The following PTPRT variants were observed in gnomAD, a reference collection of about 807,000 sequenced individuals.
PTPRT encodes the protein receptor-type tyrosine-protein phosphatase T.
PTPRT carries 56 observed loss-of-function variants against 176.8 expected under a neutral mutation model. The ratio of observed to expected loss-of-function variants is 0.32; its 90% CI spans 0.26 to 0.40. The LOEUF (loss-of-function observed/expected upper bound fraction) is 0.40, where lower values mean the gene tolerates loss of function less well. Among genes scored for constraint, PTPRT ranks in the 10% least tolerant of loss-of-function variants. The pLI is 1.00. For synonymous variants in PTPRT, 783 were observed against 739.0 expected (o/e 1.06, Z -0.96); for missense variants, 1,540 against 1,908.2 (o/e 0.81, Z 3.60).
intron 7 of PTPRT, among the ~76,000 whole-genome samples, chr20:42,608,195 A>G (rs2073914620): frequency 6.6e-6 from 1 of 152,178 alleles, no homozygotes; most frequent in South Asian, 2.1e-4. Flanking sequence ...TAAGTACTCA[A>G]TAGCCACAGC....
At position 42,315,938 on chromosome 20, in the gene PTPRT, T is replaced by C. The variant is rs182839541; in HGVS notation, c.1924A>G (p.Ile642Val). The C allele has an allele frequency of 1.2e-6, 2 of 1,614,148 alleles. No homozygotes were observed. The highest frequency in any genetic ancestry group is 1.7e-6 in the Non-Finnish European group (2 of 1,180,024). ...RLQKSRRAADIIECFSVPVSY... is the reference protein window; with the variant it reads ...RLQKSRRAADVIECFSVPVSY... ...ACGGGCACCGAAAAGCACTCAATAA[T>C]GTCAGCTGCCCTCCGTGACTTCTGA... is the stretch of plus-strand genomic sequence containing the variant. Residue 642 changes from isoleucine (I) to valine (V), a missense_variant, in exon 12 of 31, where the codon ATT (isoleucine) becomes GTT (valine). Ile to Val is a conservative substitution (Grantham distance 29). Coordinates refer to ENST00000373187, the MANE Select transcript of PTPRT (RefSeq NM_007050.6).
Position 42,540,874 on chromosome 20 carries a change from G to A in PTPRT, c.1154-68312C>T, listed in dbSNP as rs115724739. Among the ~76,000 whole-genome samples the A allele has an allele frequency of 7.3e-4, 111 of 152,262 alleles. 1 individual carries two copies. The Middle Eastern group carries it at 0.014, about 19-fold the overall frequency. ...CTTCATCGGGAGGATGGGGAAGGTA[G>A]GTGGAAGGGATGCCTGTATGAGTGA... On this transcript the variant is annotated intron_variant, in intron 7 of 30. Transcript: ENST00000373187.
chr20:42,390,136 C>T lies in PTPRT; in HGVS notation c.1561-37851G>A, dbSNP rs139471861. Among the ~76,000 whole-genome samples the T allele has an allele frequency of 1.1e-4, 17 of 152,258 alleles. No individual in the cohort carries two copies. The East Asian group carries it at 3.1e-3, about 28-fold the overall frequency. On this transcript the variant is annotated intron_variant, in intron 9 of 30. Coordinates refer to ENST00000373187, the MANE Select transcript of PTPRT (RefSeq NM_007050.6). ...AATTTTCTCCCAATTGTATCCTCAGCAGCTAGTATAATACTTGGCACATAT... is the reference window on the plus strand; with the variant it reads ...AATTTTCTCCCAATTGTATCCTCAGTAGCTAGTATAATACTTGGCACATAT...
At position 42,345,390 on chromosome 20, in the gene PTPRT, CACAT is replaced by C. The variant is rs776194061; in HGVS notation, c.1865+5234_1865+5237del. On this transcript the variant is annotated intron_variant, in intron 11 of 30. Coordinates refer to ENST00000373187, the MANE Select transcript of PTPRT (RefSeq NM_007050.6). The stretch of plus-strand genomic sequence containing the variant: ...ATACACACACACACACACACACACA[CACAT>C]ATATATATAAAACTAGTTACTATAG... Among the ~76,000 whole-genome samples, 24 of 133,602 alleles carry C rather than the reference CACAT, an allele frequency of 1.8e-4. 1 individual carries two copies. Among genetic ancestry groups the C allele is most frequent in the South Asian group, 4.9e-4 (2 of 4,056 alleles). 87.6% of individuals were successfully genotyped at this position (133,602 alleles called of 152,430 possible). A position where few individuals can be genotyped will look rare whatever the true frequency, so the allele number is the denominator to read the frequency against.
At chr20:42,214,162 A>T (rs577815232) in intron 15 of PTPRT, among the ~76,000 whole-genome samples, 1 of 152,266 alleles carries the variant, frequency 6.6e-6, no homozygotes, top group Admixed American at 6.5e-5. Context: ...CTAGGATTCA[A>T]ACCCTCCAGT....
chr20:42,867,425 T>G (rs1006596022), intron 2 of PTPRT, among the ~76,000 whole-genome samples: 1 of 142,464 alleles, frequency 7.0e-6, no homozygotes, highest in Non-Finnish European at 1.5e-5. Flanking sequence ...TTTACTCACT[T>G]AGAGTACACT....
intron 7 of PTPRT, among the ~76,000 whole-genome samples, chr20:42,489,008 TTGTGTGTGTGTGTGTGTGTGTGTGTGTG>T (rs56267962): frequency 3.0e-5 from 4 of 131,262 alleles, no homozygotes; most frequent in African/African-American, 8.2e-5. Flanking sequence ...TCAACCAAGT[TTGTGTGTGTGTGTGTGTGTGTGTGTGTG>T]TGTGTGTGTG....
chr20:42,771,033 C>T (rs983568845), intron 5 of PTPRT, among the ~76,000 whole-genome samples: 12 of 152,216 alleles, frequency 7.9e-5, no homozygotes, highest in African/African-American at 2.4e-4. Flanking sequence ...CACTTTCTTC[C>T]CTTATCAAGG....
At chr20:42,184,595 C>CTTCTTCTTCTTCTTCCTCTTCT (rs1990684333) in intron 16 of PTPRT, among the ~76,000 whole-genome samples, 1 of 29,428 alleles carries the variant, frequency 3.4e-5, no homozygotes, top group African/African-American at 9.1e-5. Flanking sequence ...CTTCTTCTTC[C>CTTCTTCTTCTTCTTCCTCTTCT]TCTTCTTCTT....
At position 42,760,246 on chromosome 20, in the gene PTPRT, A is replaced by G. The variant is rs575292512; in HGVS notation, c.685-3610T>C. Among the ~76,000 whole-genome samples, 52 of 152,332 alleles carry G rather than the reference A, an allele frequency of 3.4e-4. No individual in the cohort carries two copies. In the South Asian group the frequency reaches 0.011, roughly 31 times the overall value. On this transcript the variant is annotated intron_variant, in intron 5 of 30. Transcript: ENST00000373187. ...ACTTGCCTGCAAAGGGGATCTGTCC[A>G]GGACACTAAAAGCATGCATTCCACT...
chr20:42,580,790 A>T (rs554597037), intron 7 of PTPRT, among the ~76,000 whole-genome samples: 5 of 152,238 alleles, frequency 3.3e-5, no homozygotes, highest in East Asian at 3.9e-4. Context: ...CTTATCAACT[A>T]AAGGAGATTT....
At chr20:42,794,503 A>C (rs2077424851) in intron 2 of PTPRT, among the ~76,000 whole-genome samples, 1 of 152,152 alleles carries the variant, frequency 6.6e-6, no homozygotes, top group Non-Finnish European at 1.5e-5. Context: ...TCATTGGCCC[A>C]TTCTATTTTC....
intron 11 of PTPRT, among the ~76,000 whole-genome samples, chr20:42,331,332 T>A (rs1249860264): frequency 6.6e-6 from 1 of 151,918 alleles, no homozygotes; most frequent in Non-Finnish European, 1.5e-5. Flanking sequence ...TTTAAAAGAG[T>A]AATCAGTAGG....
At chr20:42,214,800 T>C (rs940920524) in intron 15 of PTPRT, among the ~76,000 whole-genome samples, 5 of 152,172 alleles carry the variant, frequency 3.3e-5, no homozygotes, top group African/African-American at 1.2e-4. Flanking sequence ...TCCCTCTGGG[T>C]ACATGGCCAT....
intron 18 of PTPRT, among the ~76,000 whole-genome samples, chr20:42,140,254 G>A (rs1178315683): frequency 1.3e-5 from 2 of 151,744 alleles, no homozygotes; most frequent in Non-Finnish European, 2.9e-5. Flanking sequence ...GATGAACTGG[G>A]TTACTCTGTG....
chr20:42,109,912 G>GT (rs1465562013), intron 23 of PTPRT, among the ~76,000 whole-genome samples: 1 of 152,200 alleles, frequency 6.6e-6, no homozygotes, highest in Non-Finnish European at 1.5e-5. Flanking sequence ...TTGTGACCAA[G>GT]TATCATCAGA....
Position 42,837,334 on chromosome 20 carries a change from G to C in PTPRT, c.215-45868C>G, listed in dbSNP as rs117903158. Among the ~76,000 whole-genome samples, 310 of 152,288 alleles carry C rather than the reference G, an allele frequency of 2.0e-3. 1 individual carries two copies. Among genetic ancestry groups the C allele is most frequent in the Non-Finnish European group, 3.5e-3 (235 of 68,030 alleles). On this transcript the variant is annotated intron_variant, in intron 2 of 30. Transcript: ENST00000373187. The stretch of plus-strand genomic sequence containing the variant: ...GTCCCCTCACCTTGTTCTGATGTGG[G>C]CATGGTCTTCTGCTGGGAAAGCAGG...
intron 13 of PTPRT, among the ~76,000 whole-genome samples, chr20:42,268,116 C>A (rs974154070): frequency 6.6e-6 from 1 of 152,032 alleles, no homozygotes; most frequent in Non-Finnish European, 1.5e-5. Context: ...GTCTAATATC[C>A]CCATCACTCA....
intron 1 of PTPRT, among the ~76,000 whole-genome samples, chr20:43,099,201 C>G (rs2425590): frequency 0.01 from 1,585 of 152,164 alleles, 27 homozygotes; most frequent in African/African-American, 0.036. Flanking sequence ...CTCCTATACC[C>G]CAGGTTCAGA....
Sources: gnomAD v4.1 joint callset for allele counts (sites outside exome capture counted in the v4.1 genomes callset) on GRCh38, gnomAD v4.1.1 for gene constraint, MANE v1.5 for transcripts, NCBI Gene and HGNC (gene_info 2026-07-23, HGNC 2026-07-21) for gene names.